Variants in DCLK1 observed in about 807,000 individuals in gnomAD.
The protein encoded by DCLK1 is serine/threonine-protein kinase DCLK1.
DCLK1 carries 16 observed loss-of-function variants against 86.2 expected under a neutral mutation model. That is an observed-to-expected ratio of 0.19 (90% CI 0.13 to 0.28). The LOEUF (loss-of-function observed/expected upper bound fraction) is 0.28. Among genes scored for constraint, DCLK1 ranks in the 10% least tolerant of loss-of-function variants. The pLI is 1.00. For synonymous variants in DCLK1, 369 were observed against 370.5 expected (o/e 1.00, Z 0.05); for missense variants, 590 against 940.2 (o/e 0.63, Z 4.87).
chr13:35,963,137 G>A (rs1878546721), intron 3 of DCLK1, among the ~76,000 whole-genome samples: 1 of 152,174 alleles, frequency 6.6e-6, no homozygotes, highest in South Asian at 2.1e-4. Context: ...CACAGTGTGA[G>A]CCTAGCATCT....
intron 4 of DCLK1, among the ~76,000 whole-genome samples, chr13:35,879,193 G>A (rs1018516834): frequency 1.7e-4 from 26 of 152,280 alleles, no homozygotes; most frequent in Admixed American, 1.3e-4. Flanking sequence ...GTAAAGTCCC[G>A]GAAACTAAGA....
At chr13:36,015,603 A>C (rs1265058795) in intron 3 of DCLK1, among the ~76,000 whole-genome samples, 1 of 152,124 alleles carries the variant, frequency 6.6e-6, no homozygotes. Context: ...AGCCTGTCAC[A>C]ACCTATTTTC....
At chr13:35,886,351 T>C (rs774248131) in intron 4 of DCLK1, among the ~76,000 whole-genome samples, 1 of 152,178 alleles carries the variant, frequency 6.6e-6, no homozygotes, top group Non-Finnish European at 1.5e-5. Flanking sequence ...TCCAAGGGGC[T>C]ACTTAAAAAT....
intron 13 of DCLK1, 130 bp from the exon 14 acceptor site, chr13:35,808,450 T>C: frequency 2.4e-6 from 2 of 822,964 alleles, no homozygotes; most frequent in Middle Eastern, 2.4e-4. Flanking sequence ...TTTTAATCGA[T>C]TGAAAAATGT....
intron 3 of DCLK1, among the ~76,000 whole-genome samples, chr13:35,997,459 G>A (rs552496662): frequency 5.1e-4 from 78 of 152,282 alleles, no homozygotes; most frequent in Middle Eastern, 3.4e-3. Flanking sequence ...AATGGAACAC[G>A]CATGGCTCTA....
At chr13:35,891,778 T>G (rs1252422185) in intron 4 of DCLK1, among the ~76,000 whole-genome samples, 1 of 152,162 alleles carries the variant, frequency 6.6e-6, no homozygotes, top group Non-Finnish European at 1.5e-5. Flanking sequence ...CTAGAAACAT[T>G]TGGTTTTCAG....
chr13:36,045,336 A>ATATATC (rs1210073747), intron 3 of DCLK1, among the ~76,000 whole-genome samples: 6 of 52,050 alleles, frequency 1.2e-4, no homozygotes, highest in East Asian at 5.8e-4. Context: ...GTGTGTGTAT[A>ATATATC]TATATATATA....
chr13:35,926,490 G>T (rs921557759), intron 4 of DCLK1, among the ~76,000 whole-genome samples: 4 of 152,210 alleles, frequency 2.6e-5, no homozygotes, highest in Admixed American at 1.3e-4. Flanking sequence ...ATCTGAGTTT[G>T]CTAAGCATTG....
intron 4 of DCLK1, among the ~76,000 whole-genome samples, chr13:35,930,494 A>G (rs887407235): frequency 4.6e-5 from 7 of 152,166 alleles, no homozygotes; most frequent in African/African-American, 1.7e-4. Flanking sequence ...CCAGCTACTC[A>G]AGAGACTGAG....
At position 36,105,809 on chromosome 13, in the gene DCLK1, T is replaced by G. The variant is rs898016158; in HGVS notation, c.723+6060A>C. ...TCAGTCCAGGCTCAGCTGAATTTTT[T>G]TGTTTGTTTGTTGCAGGGATAACTG... On this transcript the variant is annotated intron_variant, in intron 3 of 16. Transcript: ENST00000360631. Among the ~76,000 whole-genome samples, 8 of 152,182 alleles carry G rather than the reference T, an allele frequency of 5.3e-5. No homozygotes were observed. The East Asian group carries it at 1.2e-3, about 22-fold the overall frequency.
chr13:35,814,397 C>T (rs1281275778), intron 11 of DCLK1, among the ~76,000 whole-genome samples: 5 of 152,196 alleles, frequency 3.3e-5, no homozygotes, highest in African/African-American at 4.8e-5. Flanking sequence ...AACAAGTTCA[C>T]ATTGAAAATG....
chr13:35,983,646 A>G (rs748289507), intron 3 of DCLK1, among the ~76,000 whole-genome samples: 55 of 152,266 alleles, frequency 3.6e-4, no homozygotes, highest in Non-Finnish European at 4.8e-4. Flanking sequence ...GATAATGCTT[A>G]AGGGAATGGA....
At chr13:35,913,346 T>C (rs1276896637) in intron 4 of DCLK1, among the ~76,000 whole-genome samples, 2 of 152,028 alleles carry the variant, frequency 1.3e-5, no homozygotes, top group Non-Finnish European at 2.9e-5. Flanking sequence ...CTAAAATACA[T>C]TTTCCCCTTA....
intron 3 of DCLK1, among the ~76,000 whole-genome samples, chr13:35,988,282 C>T (rs570685250): frequency 3.6e-4 from 55 of 152,310 alleles, no homozygotes; most frequent in Non-Finnish European, 5.6e-4. Flanking sequence ...GGGGACCCCA[C>T]GCCCAGGCTG....
At chr13:35,823,407 GCTCT>G (rs1182306950) in intron 10 of DCLK1, among the ~76,000 whole-genome samples, 2 of 151,418 alleles carry the variant, frequency 1.3e-5, no homozygotes, top group Admixed American at 6.6e-5. Context: ...ACTAGATTTA[GCTCT>G]CTGAGAGTGG....
At chr13:35,814,177 G>A (rs903719223) in intron 11 of DCLK1, among the ~76,000 whole-genome samples, 1 of 152,116 alleles carries the variant, frequency 6.6e-6, no homozygotes, top group African/African-American at 2.4e-5. Context: ...TTACACAGGG[G>A]CATGACTGAG....
At chr13:35,980,856 C>T (rs1299146083) in intron 3 of DCLK1, among the ~76,000 whole-genome samples, 1 of 151,928 alleles carries the variant, frequency 6.6e-6, no homozygotes, top group Non-Finnish European at 1.5e-5. Flanking sequence ...AGGGGTCTTG[C>T]CATGTTACCC....
chr13:35,966,088 C>G (rs1878720690), intron 3 of DCLK1, among the ~76,000 whole-genome samples: 1 of 152,050 alleles, frequency 6.6e-6, no homozygotes, highest in Non-Finnish European at 1.5e-5. Flanking sequence ...GGGTTGCCAC[C>G]CATTAGGGTG....
At chr13:36,127,400 T>C (rs2138224512) in intron 1 of DCLK1, among the ~76,000 whole-genome samples, 1 of 152,336 alleles carries the variant, frequency 6.6e-6, no homozygotes, top group Admixed American at 6.5e-5. Context: ...ACTATCTTTG[T>C]GATTGAAGAA....
Sources: allele counts gnomAD v4.1 joint callset (sites outside exome capture counted in the v4.1 genomes callset), GRCh38; gene constraint gnomAD v4.1.1; transcripts MANE v1.5; gene names NCBI Gene and HGNC (gene_info 2026-07-23, HGNC 2026-07-21).